Variants in CCDC6 observed in about 807,000 individuals in gnomAD.
CCDC6 encodes coiled-coil domain containing 6.
A neutral mutation model predicts 56.6 loss-of-function variants in CCDC6; 20 were observed. That is an observed-to-expected ratio of 0.35 (90% CI 0.25 to 0.51). The LOEUF (loss-of-function observed/expected upper bound fraction) is 0.51, where lower values mean the gene tolerates loss of function less well. Among genes scored for constraint, CCDC6 ranks in the 20% least tolerant of loss-of-function variants. The pLI, the probability that CCDC6 is intolerant of heterozygous loss-of-function variation, is 0.95. For missense variants in CCDC6, 367 were observed against 601.1 expected, an observed-to-expected ratio of 0.61 and a Z score of 4.07; for synonymous variants, 241 against 234.4, an observed-to-expected ratio of 1.03 and a Z score of -0.26.
In CCDC6 at chr10:59,822,913, C is replaced by A. The variant is rs1451188850; in HGVS notation, c.583-8158G>T. On this transcript the variant is annotated intron_variant, in intron 3 of 8. Transcript: ENST00000263102. Reference sequence around the variant, plus strand: ...CCCTATGCTTATAAAAAAAAAACAACCCCAGACTCAGCCGGTAGACAGGAC... The same window carrying A: ...CCCTATGCTTATAAAAAAAAAACAAACCCAGACTCAGCCGGTAGACAGGAC... 5.3e-5 allele frequency among the ~76,000 whole-genome samples: 8 copies of A among 150,774 alleles called. No individual in the cohort carries two copies. The South Asian group carries it at 1.7e-3, about 31-fold the overall frequency.
chr10:59,869,430 A>AAAAAAAAAAAAAG (rs1589055825), intron 1 of CCDC6, among the ~76,000 whole-genome samples: 1 of 9,092 alleles, frequency 1.1e-4, no homozygotes, highest in Non-Finnish European at 1.9e-4. Flanking sequence ...CAGAAAAAAG[A>AAAAAAAAAAAAAG]AAAAAAAAAA....
intron 4 of CCDC6, 37 bp downstream of exon 4, chr10:59,814,615 C>CAT: frequency 7.9e-7 from 1 of 1,266,736 alleles, no homozygotes; most frequent in Non-Finnish European, 1.2e-6. Flanking sequence ...CACACACACA[C>CAT]ACACACACCC....
At chr10:59,873,957 GCACATTTAGACA>G (rs2071254659) in intron 1 of CCDC6, among the ~76,000 whole-genome samples, 1 of 152,124 alleles carries the variant, frequency 6.6e-6, no homozygotes. Context: ...TGAGGCAGTA[GCACATTTAGACA>G]CAATACAGCT....
intron 1 of CCDC6, among the ~76,000 whole-genome samples, chr10:59,890,223 G>C (rs146924693): frequency 2.0e-5 from 3 of 152,268 alleles, no homozygotes; most frequent in Non-Finnish European, 4.4e-5. Context: ...GTAACATGTG[G>C]CCAAGTAACG....
At chr10:59,856,102 T>C (rs2071078823) in intron 1 of CCDC6, among the ~76,000 whole-genome samples, 1 of 152,212 alleles carries the variant, frequency 6.6e-6, no homozygotes, top group Non-Finnish European at 1.5e-5. Context: ...TAACATGGCC[T>C]AACACAGCTT....
In CCDC6 at chr10:59,832,769, T is replaced by C. The variant is rs565057016; in HGVS notation, c.454-116A>G. 22 of 1,135,300 alleles carry C rather than the reference T, an allele frequency of 1.9e-5. No individual in the cohort carries two copies. In the South Asian group the frequency reaches 3.5e-4, roughly 18 times the overall value. The allele number at this position is 1,135,300 out of a possible 1,614,324, so 70.3% of individuals were successfully genotyped here. ...ATACCACAAAAGTTACATTACCCAT[T>C]TTTGCTCAAATGTGCAAGTATATAC... On this transcript the variant is annotated intron_variant, in intron 2 of 8. Coordinates refer to ENST00000263102, the MANE Select transcript of CCDC6 (RefSeq NM_005436.5).
In CCDC6 at chr10:59,792,858, G is replaced by C; in HGVS notation, c.*59C>G. ...TATGCCAGAGAAGGAAGCCTTTGGC[G>C]TTGAGTAGACGGCTCCATTGGATGA... On this transcript the variant is annotated 3_prime_UTR_variant, in exon 9 of 9. Transcript: ENST00000263102. 6.5e-7 allele frequency: 1 copy of C among 1,541,414 alleles called. No homozygotes were observed. Among genetic ancestry groups the C allele is most frequent in the Non-Finnish European group, 9.0e-7 (1 of 1,114,058 alleles).
chr10:59,840,449 T>C (rs1489649614), intron 2 of CCDC6, among the ~76,000 whole-genome samples: 1 of 152,218 alleles, frequency 6.6e-6, no homozygotes. Context: ...GGTTCATCCT[T>C]GCGTTTTCCT....
At chr10:59,801,799 CA>C (rs2070578710) in intron 7 of CCDC6, among the ~76,000 whole-genome samples, 1 of 152,028 alleles carries the variant, frequency 6.6e-6, no homozygotes, top group Non-Finnish European at 1.5e-5. Context: ...TAATACTGCT[CA>C]AATTGTCCCA....
chr10:59,905,159 G>A (rs1050748333), intron 1 of CCDC6, among the ~76,000 whole-genome samples: 1 of 152,132 alleles, frequency 6.6e-6, no homozygotes, highest in African/African-American at 2.4e-5. Flanking sequence ...AGGGATGATA[G>A]GTGAGAGTAC....
chr10:59,789,708 C>G lies in CCDC6; in HGVS notation c.*3209G>C, dbSNP rs2070451452. 1 of 222,586 alleles carries G rather than the reference C, an allele frequency of 4.5e-6. No individual in the cohort carries two copies. The highest frequency in any genetic ancestry group is 9.0e-6 in the Non-Finnish European group (1 of 111,222). 13.8% of individuals were successfully genotyped at this position (222,586 alleles called of 1,614,324 possible). ...GTTACACAGAAATATTTCTTCTGTA[C>G]TGATAAGATACAAATATTGAGCTCT... On this transcript the variant is annotated 3_prime_UTR_variant, in exon 9 of 9. Coordinates refer to ENST00000263102, the MANE Select transcript of CCDC6 (RefSeq NM_005436.5).
chr10:59,859,269 AAAAC>A (rs778867930), intron 1 of CCDC6, among the ~76,000 whole-genome samples: 8 of 151,718 alleles, frequency 5.3e-5, no homozygotes, highest in Middle Eastern at 6.8e-3. Flanking sequence ...GTTGTGTTCT[AAAAC>A]AAATCATACA....
chr10:59,814,691 C>T lies in CCDC6; in HGVS notation c.647G>A (p.Arg216His). 3 of 1,613,464 alleles carry T rather than the reference C, an allele frequency of 1.9e-6. No homozygotes were observed. Among genetic ancestry groups the T allele is most frequent in the Non-Finnish European group, 2.5e-6 (3 of 1,179,546 alleles). Residue 216 changes from arginine to histidine, a missense_variant, in exon 4 of 9, where the codon CGC becomes CAC. Arg to His is a conservative substitution (Grantham distance 29, BLOSUM62 0). Coordinates refer to ENST00000263102, the MANE Select transcript of CCDC6 (RefSeq NM_005436.5). Reference sequence around the variant, plus strand: ...AAGCTTATCCATCCTTTTCCAGAGGCGATTAACTAGTGCTTCTTGTTCTTG... The same window carrying T: ...AAGCTTATCCATCCTTTTCCAGAGGTGATTAACTAGTGCTTCTTGTTCTTG... Reference protein sequence around the residue: ...LEQEQEALVNRLWKRMDKLEA... With the variant: ...LEQEQEALVNHLWKRMDKLEA...
At chr10:59,832,042 C>T (rs1463632546) in intron 3 of CCDC6, among the ~76,000 whole-genome samples, 1 of 152,172 alleles carries the variant, frequency 6.6e-6, no homozygotes, top group Non-Finnish European at 1.5e-5. Context: ...AGGTGAGTTA[C>T]CAAGTCTATG....
intron 3 of CCDC6, among the ~76,000 whole-genome samples, chr10:59,826,112 G>T (rs1240511120): frequency 6.6e-6 from 1 of 152,082 alleles, no homozygotes; most frequent in African/African-American, 2.4e-5. Context: ...GCTTGCACAA[G>T]CCCTGGTAGA....
At chr10:59,812,973 C>G (rs552534968) in intron 4 of CCDC6, among the ~76,000 whole-genome samples, 178 bp from the exon 5 acceptor site, 1 of 152,184 alleles carries the variant, frequency 6.6e-6, no homozygotes, top group Admixed American at 6.5e-5. Flanking sequence ...TGGTGTCTCA[C>G]TTCAAAGGGC....
In CCDC6 at chr10:59,789,686, A is replaced by G. The variant is rs1219494229; in HGVS notation, c.*3231T>C. 4.5e-6 allele frequency: 1 copy of G among 223,036 alleles called. No homozygotes were observed. The highest frequency in any genetic ancestry group is 9.0e-6 in the Non-Finnish European group (1 of 111,458). The allele number at this position is 223,036 out of a possible 1,614,324, so 13.8% of individuals were successfully genotyped here. ...CAAGTACTAGACAGAAGATCAAGTTACACAGAAATATTTCTTCTGTACTGA... is the reference window on the plus strand; with the variant it reads ...CAAGTACTAGACAGAAGATCAAGTTGCACAGAAATATTTCTTCTGTACTGA... On this transcript the variant is annotated 3_prime_UTR_variant, in exon 9 of 9. Coordinates refer to ENST00000263102, the MANE Select transcript of CCDC6 (RefSeq NM_005436.5).
chr10:59,899,401 G>C (rs922667802), intron 1 of CCDC6, among the ~76,000 whole-genome samples: 1 of 152,204 alleles, frequency 6.6e-6, no homozygotes, highest in African/African-American at 2.4e-5. Flanking sequence ...CAGTAGTTTG[G>C]ATTAGCATTT....
At chr10:59,809,980 T>A (rs1174321725) in intron 5 of CCDC6, among the ~76,000 whole-genome samples, 1 of 152,192 alleles carries the variant, frequency 6.6e-6, no homozygotes, top group Non-Finnish European at 1.5e-5. Context: ...ATGGCTTGCA[T>A]TCCCTTCCAA....
Sources: gnomAD v4.1 joint callset for allele counts (sites outside exome capture counted in the v4.1 genomes callset) on GRCh38, gnomAD v4.1.1 for gene constraint, MANE v1.5 for transcripts, NCBI Gene and HGNC (gene_info 2026-07-23, HGNC 2026-07-21) for gene names.